Variants in GNB1L observed in about 807,000 individuals in gnomAD.
The protein encoded by GNB1L is G protein subunit beta 1 like, also known as guanine nucleotide-binding protein subunit beta-like protein 1.
In GNB1L, 20 loss-of-function variants were observed where a neutral mutation model predicts 29.1. The ratio of observed to expected loss-of-function variants is 0.69; its 90% CI spans 0.48 to 1.00. The LOEUF (loss-of-function observed/expected upper bound fraction) is 1.00, where lower values mean the gene tolerates loss of function less well. Among genes scored for constraint, GNB1L ranks in the 50% least tolerant of loss-of-function variants. GNB1L has a pLI of 0.00. For missense variants in GNB1L, 421 were observed against 464.9 expected, an observed-to-expected ratio of 0.91 and a Z score of 0.87; for synonymous variants, 193 against 206.5, an observed-to-expected ratio of 0.93 and a Z score of 0.56.
chr22:19,841,841 A>C (rs1423769912), intron 2 of GNB1L, among the ~76,000 whole-genome samples: 3 of 152,220 alleles, frequency 2.0e-5, no homozygotes, highest in Non-Finnish European at 4.4e-5. Context: ...AGCTGGGGAC[A>C]GAAAGAGCAC....
intron 4 of GNB1L, among the ~76,000 whole-genome samples, chr22:19,814,030 G>C (rs1937516285): frequency 6.6e-6 from 1 of 152,160 alleles, no homozygotes; most frequent in African/African-American, 2.4e-5. Context: ...GAAGGACACG[G>C]ACTCTGAAGC....
At chr22:19,809,159 A>T (rs1401699537) in intron 5 of GNB1L, among the ~76,000 whole-genome samples, 2 of 149,948 alleles carry the variant, frequency 1.3e-5, no homozygotes, top group African/African-American at 2.5e-5. Context: ...GCCTTTAAAA[A>T]CCCCCAAGAC....
chr22:19,810,355 A>G (rs564632195), intron 5 of GNB1L, among the ~76,000 whole-genome samples: 10 of 152,252 alleles, frequency 6.6e-5, no homozygotes, highest in African/African-American at 2.4e-4. Flanking sequence ...GGACTTGAGC[A>G]GGCCAGTGAG....
At chr22:19,848,285 C>T (rs1295810845) in intron 2 of GNB1L, 7 of 985,320 alleles carry the variant, frequency 7.1e-6, no homozygotes, top group South Asian at 9.4e-5. Context: ...CACCATGGCC[C>T]GTCCCTGAGC....
intron 2 of GNB1L, among the ~76,000 whole-genome samples, chr22:19,835,781 T>C (rs959141005): frequency 6.6e-6 from 1 of 152,222 alleles, no homozygotes; most frequent in Admixed American, 6.5e-5. Flanking sequence ...CTCCAACTAT[T>C]TGGAAATTAA....
rs143932359 is a variant in GNB1L at position 19,799,623 on chromosome 22, G to A, written c.732+2378C>T. Among the ~76,000 whole-genome samples the A allele has an allele frequency of 8.2e-4, 125 of 152,354 alleles. 2 individuals are homozygous for A. In the South Asian group the frequency reaches 0.025, roughly 30 times the overall value. On this transcript the variant is annotated intron_variant, in intron 7 of 7. Transcript: ENST00000329517. ...CTACTCCCAGCACCCGCCGGGGGGA[G>A]ACTGATCTGGGCTCATCAGAGGCTT...
chr22:19,819,925 G>A (rs141518784), intron 4 of GNB1L, among the ~76,000 whole-genome samples: 3 of 152,170 alleles, frequency 2.0e-5, no homozygotes, highest in African/African-American at 4.8e-5. Flanking sequence ...CCTGCGCCCC[G>A]CCCCTGGCCA....
intron 4 of GNB1L, among the ~76,000 whole-genome samples, chr22:19,814,994 C>T (rs1376315599): frequency 6.6e-6 from 1 of 151,654 alleles, no homozygotes. Context: ...TGTGATCACA[C>T]CACTGCACTC....
intron 7 of GNB1L, among the ~76,000 whole-genome samples, chr22:19,790,256 C>T (rs560911956): frequency 5.3e-5 from 8 of 152,190 alleles, no homozygotes; most frequent in Non-Finnish European, 1.0e-4. Flanking sequence ...ATGGGGATTA[C>T]GGCTATGGAA....
intron 2 of GNB1L, chr22:19,846,809 C>T (rs1937972537): frequency 1.5e-6 from 1 of 665,682 alleles, no homozygotes; most frequent in Non-Finnish European, 1.9e-6. Context: ...AGAAACCAAC[C>T]CTGCCCACAC....
intron 2 of GNB1L, chr22:19,851,496 C>G: frequency 6.2e-7 from 1 of 1,614,116 alleles, no homozygotes; most frequent in South Asian, 1.1e-5. Flanking sequence ...AGCTGCTGCT[C>G]GAACAGAGCA....
At chr22:19,799,548 C>T (rs964576949) in intron 7 of GNB1L, among the ~76,000 whole-genome samples, 1 of 152,246 alleles carries the variant, frequency 6.6e-6, no homozygotes, top group African/African-American at 2.4e-5. Context: ...GCGAAGCCAC[C>T]ATCTGGTTCC....
At chr22:19,847,027 C>T (rs1421267769) in intron 2 of GNB1L, 2 of 985,366 alleles carry the variant, frequency 2.0e-6, no homozygotes, top group African/African-American at 1.7e-5. Context: ...CTGAGCACCC[C>T]AGCCCATAGG....
intron 2 of GNB1L, among the ~76,000 whole-genome samples, chr22:19,844,693 G>A (rs758139076): frequency 7.9e-5 from 12 of 152,198 alleles, no homozygotes; most frequent in Non-Finnish European, 1.5e-4. Context: ...CCAGGAGCGG[G>A]TCCCAGGAGC....
At chr22:19,838,072 T>C (rs1937796080) in intron 2 of GNB1L, among the ~76,000 whole-genome samples, 1 of 152,254 alleles carries the variant, frequency 6.6e-6, no homozygotes, top group African/African-American at 2.4e-5. Flanking sequence ...ACGCCGCACT[T>C]GTCAAACTGT....
At chr22:19,806,107 C>A (rs868549789) in intron 6 of GNB1L, among the ~76,000 whole-genome samples, 13 of 152,204 alleles carry the variant, frequency 8.5e-5, no homozygotes, top group African/African-American at 2.9e-4. Flanking sequence ...TGATGCCTTC[C>A]AACCCTGTCT....
intron 2 of GNB1L, chr22:19,847,760 A>G (rs1027064734): frequency 7.6e-5 from 73 of 960,218 alleles, no homozygotes; most frequent in Non-Finnish European, 8.1e-5. Context: ...CCATACCTCC[A>G]CAACTCTGGG....
At chr22:19,789,619 C>T (rs991063250) in intron 7 of GNB1L, among the ~76,000 whole-genome samples, 2 of 152,030 alleles carry the variant, frequency 1.3e-5, no homozygotes, top group Non-Finnish European at 2.9e-5. Context: ...GGGCACTGCA[C>T]GAGACCCGGA....
chr22:19,807,600 A>G (rs1055546318), intron 5 of GNB1L, among the ~76,000 whole-genome samples: 16 of 152,210 alleles, frequency 1.1e-4, no homozygotes, highest in Admixed American at 9.8e-4. Context: ...TGAGCTACCG[A>G]TAACACAGCA....
Sources: allele counts gnomAD v4.1 joint callset (sites outside exome capture counted in the v4.1 genomes callset), GRCh38; gene constraint gnomAD v4.1.1; transcripts MANE v1.5; gene names NCBI Gene and HGNC (gene_info 2026-07-23, HGNC 2026-07-21).